SLC23A2: variants seen among roughly 807,000 people sequenced by gnomAD.
SLC23A2 encodes the protein solute carrier family 23 member 2, also known as Na(+)/L-ascorbic acid transporter 2.
A neutral mutation model predicts 73.3 loss-of-function variants in SLC23A2; 36 were observed. The observed-to-expected ratio is 0.49, with a 90% CI of 0.38 to 0.65. SLC23A2 has a LOEUF of 0.65. Among genes scored for constraint, SLC23A2 ranks in the 30% least tolerant of loss-of-function variants. SLC23A2 has a pLI of 0.00. For missense variants in SLC23A2, 507 were observed against 841.6 expected, an observed-to-expected ratio of 0.60 and a Z score of 4.92; for synonymous variants, 343 against 327.3, an observed-to-expected ratio of 1.05 and a Z score of -0.52.
At chr20:4,981,160 C>A (rs2087720006) in intron 1 of SLC23A2, among the ~76,000 whole-genome samples, 1 of 152,228 alleles carries the variant, frequency 6.6e-6, no homozygotes, top group Non-Finnish European at 1.5e-5. Context: ...ACACCCTGCT[C>A]TATCTTTGCT....
rs560429959 is a variant in SLC23A2 at position 4,965,317 on chromosome 20, G to T, written c.-155+5476C>A. On this transcript the variant is annotated intron_variant, in intron 2 of 16. Transcript: ENST00000338244. ...ACTCGGTAAACCTACTGTGTTCAGG[G>T]GTTCCTGATTTTCCTTAAATCCTTT... Among the ~76,000 whole-genome samples the T allele has an allele frequency of 3.3e-5, 5 of 152,138 alleles. 1 individual carries two copies. The South Asian group carries it at 1.0e-3, about 32-fold the overall frequency.
chr20:4,950,770 A>C (rs2087188867), intron 2 of SLC23A2, among the ~76,000 whole-genome samples: 1 of 152,192 alleles, frequency 6.6e-6, no homozygotes. Flanking sequence ...GCCAGGCAGA[A>C]GAGGCATCGA....
chr20:4,953,351 TTAAA>T (rs1246012475), intron 2 of SLC23A2, among the ~76,000 whole-genome samples: 1 of 151,550 alleles, frequency 6.6e-6, no homozygotes, highest in Non-Finnish European at 1.5e-5. Context: ...AGAAATGTAA[TTAAA>T]TAAAGCAGAC....
chr20:4,978,565 T>A (rs1489403907), intron 1 of SLC23A2, among the ~76,000 whole-genome samples: 3 of 152,096 alleles, frequency 2.0e-5, no homozygotes, highest in African/African-American at 4.8e-5. Flanking sequence ...GGCTTAGAAA[T>A]CCTGCAACCT....
intron 3 of SLC23A2, among the ~76,000 whole-genome samples, chr20:4,931,083 A>C (rs1163848511): frequency 6.7e-6 from 1 of 148,490 alleles, no homozygotes; most frequent in East Asian, 1.9e-4. Context: ...AAAAAAAAAA[A>C]AAAAAAAAAG....
At chr20:4,940,307 C>T (rs959640650) in intron 2 of SLC23A2, among the ~76,000 whole-genome samples, 199 of 151,946 alleles carry the variant, frequency 1.3e-3, no homozygotes, top group African/African-American at 1.5e-3. Context: ...AGAGTGAGAC[C>T]CCATCTCAAA....
chr20:4,865,660 A>G (rs895001679), intron 13 of SLC23A2, among the ~76,000 whole-genome samples: 2 of 151,798 alleles, frequency 1.3e-5, no homozygotes, highest in South Asian at 2.1e-4. Flanking sequence ...ATCTACAACA[A>G]TTTTACTCCT....
chr20:4,975,180 A>G (rs1241761370), intron 1 of SLC23A2, among the ~76,000 whole-genome samples: 1 of 152,216 alleles, frequency 6.6e-6, no homozygotes, highest in Non-Finnish European at 1.5e-5. Flanking sequence ...GGCCCAGACA[A>G]ATTCTTAGTT....
chr20:4,874,197 A>C lies in SLC23A2; in HGVS notation c.946-105T>G, dbSNP rs1930566511. On this transcript the variant is annotated intron_variant, in intron 10 of 16. Coordinates refer to ENST00000338244, the MANE Select transcript of SLC23A2 (RefSeq NM_005116.6). ...AATATCACACCCCAGAGCCCACCAC[A>C]GTCAGTACTTTGCAGACCTTCCTTG... The C allele has an allele frequency of 2.8e-6, 3 of 1,072,330 alleles. No homozygotes were observed. The East Asian group carries it at 7.3e-5, about 26-fold the overall frequency. The allele number at this position is 1,072,330 out of a possible 1,614,324, so 66.4% of individuals were successfully genotyped here. A position where few individuals can be genotyped will look rare whatever the true frequency, so the allele number is the denominator to read the frequency against.
intron 5 of SLC23A2, among the ~76,000 whole-genome samples, chr20:4,900,217 CAT>C (rs1568615441): frequency 6.6e-6 from 1 of 152,210 alleles, no homozygotes; most frequent in Non-Finnish European, 1.5e-5. Flanking sequence ...TATTCACTGT[CAT>C]TATTACTTAT....
At chr20:4,875,282 A>G (rs1317104977) in intron 9 of SLC23A2, among the ~76,000 whole-genome samples, 1 of 152,248 alleles carries the variant, frequency 6.6e-6, no homozygotes, top group Non-Finnish European at 1.5e-5. Context: ...ACTGCTCAAG[A>G]AAAGTAGATA....
intron 2 of SLC23A2, among the ~76,000 whole-genome samples, chr20:4,956,998 G>T (rs2087300391): frequency 1.3e-5 from 2 of 151,742 alleles, no homozygotes; most frequent in South Asian, 4.2e-4. Context: ...GTAGAGACGG[G>T]GTTTCTCCAT....
chr20:4,936,854 G>GAA (rs2086968668), intron 2 of SLC23A2, among the ~76,000 whole-genome samples: 1 of 152,156 alleles, frequency 6.6e-6, no homozygotes, highest in South Asian at 2.1e-4. Context: ...AGTAGTGCCT[G>GAA]GAGTATCCTG....
At chr20:4,996,698 A>AC (rs1298317000) in intron 1 of SLC23A2, among the ~76,000 whole-genome samples, 16 of 127,820 alleles carry the variant, frequency 1.3e-4, no homozygotes, top group East Asian at 2.4e-4. Flanking sequence ...AAAAAAAAAA[A>AC]AAAAAAAAAA....
intron 9 of SLC23A2, among the ~76,000 whole-genome samples, chr20:4,877,038 G>C (rs1020188756): frequency 1.2e-4 from 18 of 152,100 alleles, no homozygotes; most frequent in African/African-American, 3.9e-4. Context: ...GGGAGGGATA[G>C]CATTAGGAGA....
intron 11 of SLC23A2, 58 bp downstream of exon 11, chr20:4,873,878 A>C (rs1600088317): frequency 6.6e-7 from 1 of 1,518,000 alleles, no homozygotes; most frequent in Non-Finnish European, 8.9e-7. Flanking sequence ...CCAAATTCCC[A>C]CCCCTCTCAG....
chr20:4,864,157 G>C (rs889000473), intron 13 of SLC23A2, among the ~76,000 whole-genome samples: 2 of 152,208 alleles, frequency 1.3e-5, no homozygotes, highest in African/African-American at 4.8e-5. Flanking sequence ...AGAGTGTTTG[G>C]GGGAGTATCC....
At position 4,883,848 on chromosome 20, in the gene SLC23A2, T is replaced by G; in HGVS notation, c.643-25A>C. 6.4e-7 allele frequency: 1 copy of G among 1,570,738 alleles called. No homozygotes were observed. Among genetic ancestry groups the G allele is most frequent in the Non-Finnish European group, 8.7e-7 (1 of 1,150,390 alleles). ...TCTGCAACAAGAGATGGCACAGACA[T>G]GAGAGTGAGCTGCTTGTACACTGCA... On this transcript the variant is annotated intron_variant, in intron 8 of 16. Coordinates refer to ENST00000338244, the MANE Select transcript of SLC23A2 (RefSeq NM_005116.6). This position sits in a 1 kb window ranked among gnomAD's most constrained non-coding sequence, Gnocchi z 4.5.
At chr20:5,003,658 T>C (rs2088159162), upstream of SLC23A2, among the ~76,000 whole-genome samples, 1 of 152,016 alleles carries the variant, frequency 6.6e-6, no homozygotes, top group African/African-American at 2.4e-5. Flanking sequence ...AACTGTGGAA[T>C]CTTCAGTGTC....
Sources: gnomAD v4.1 joint callset for allele counts (sites outside exome capture counted in the v4.1 genomes callset) on GRCh38, gnomAD v4.1.1 for gene constraint, Gnocchi (gnomAD v3.1) non-coding constraint, MANE v1.5 for transcripts, NCBI Gene and HGNC (gene_info 2026-07-23, HGNC 2026-07-21) for gene names.